CPM: variants seen among roughly 807,000 people sequenced by gnomAD.
CPM encodes the protein renal carboxypeptidase.
Under a neutral mutation model 46.4 loss-of-function variants are expected in CPM, and 35 were observed. The ratio of observed to expected loss-of-function variants is 0.75; its 90% CI spans 0.58 to 1.00. The LOEUF (loss-of-function observed/expected upper bound fraction) is 1.00, where lower values mean the gene tolerates loss of function less well. Among genes scored for constraint, CPM ranks in the 50% least tolerant of loss-of-function variants. The probability of loss-of-function intolerance (pLI) is 0.00; values close to 1 mark genes in which losing one functional copy is unlikely to be tolerated. For synonymous variants in CPM, 195 were observed against 195.3 expected, an observed-to-expected ratio of 1.00 and a Z score of 0.01; for missense variants, 422 against 530.4, an observed-to-expected ratio of 0.80 and a Z score of 2.01.
At position 68,870,956 on chromosome 12, in the gene CPM, AC is replaced by A. The variant is rs554526909; in HGVS notation, c.432-558del. ...CACATTACACAGAAGTACTTGTGAA[AC>A]GTGGAACAGCCATGTTTAAATATAT... On this transcript the variant is annotated intron_variant, in intron 4 of 8. Coordinates refer to ENST00000551568, the MANE Select transcript of CPM (RefSeq NM_198320.5). 6.5e-3 allele frequency among the ~76,000 whole-genome samples: 996 copies of A among 152,380 alleles called. 18 individuals are homozygous for A. Among genetic ancestry groups the A allele is most frequent in the African/African-American group, 0.023 (947 of 41,588 alleles).
chr12:68,890,443 T>G (rs546970144), intron 2 of CPM, among the ~76,000 whole-genome samples: 2 of 152,142 alleles, frequency 1.3e-5, no homozygotes, highest in Admixed American at 1.3e-4. Context: ...AAGCACTTTA[T>G]GTTATTTGAT....
intron 1 of CPM, among the ~76,000 whole-genome samples, chr12:68,961,351 C>G (rs1298867267): frequency 6.6e-6 from 1 of 152,094 alleles, no homozygotes; most frequent in African/African-American, 2.4e-5. Flanking sequence ...TGCCATGTTG[C>G]CCAGGCTGGT....
intron 2 of CPM, among the ~76,000 whole-genome samples, chr12:68,909,239 A>G (rs1047052951): frequency 6.6e-6 from 1 of 152,172 alleles, no homozygotes; most frequent in South Asian, 2.1e-4. Flanking sequence ...TAGAGATGGG[A>G]TCTTGCTATG....
chr12:68,959,105 T>C (rs1259812709), intron 1 of CPM, among the ~76,000 whole-genome samples: 5 of 152,216 alleles, frequency 3.3e-5, no homozygotes, highest in African/African-American at 1.2e-4. Context: ...TATTATTACA[T>C]ATTTTCTCCT....
At chr12:68,955,624 G>A (rs149615826) in intron 1 of CPM, among the ~76,000 whole-genome samples, 36 of 152,322 alleles carry the variant, frequency 2.4e-4, no homozygotes, top group African/African-American at 7.2e-4. Context: ...TGGAGGATGA[G>A]CAAGGGAGAG....
chr12:68,905,270 CT>C (rs1034445314), intron 2 of CPM, among the ~76,000 whole-genome samples: 5 of 151,278 alleles, frequency 3.3e-5, no homozygotes, highest in East Asian at 2.0e-4. Context: ...TCAGAGAAAT[CT>C]TTTTTTTTCT....
chr12:68,924,567 G>A (rs1888180040), intron 2 of CPM, among the ~76,000 whole-genome samples: 1 of 151,876 alleles, frequency 6.6e-6, no homozygotes, highest in Admixed American at 6.6e-5. Context: ...TCTCAGAAAG[G>A]TACTCTGCGT....
chr12:68,898,022 T>C (rs1389665086), intron 2 of CPM, among the ~76,000 whole-genome samples: 3 of 151,436 alleles, frequency 2.0e-5, no homozygotes, highest in Admixed American at 2.0e-4. Context: ...TTGTGTATTT[T>C]TTTTTTTTTT....
intron 2 of CPM, chr12:68,913,846 C>A: frequency 1.5e-6 from 1 of 653,040 alleles, no homozygotes. Context: ...TAACAACTCC[C>A]ATGAGGATGC....
At chr12:68,946,892 C>T (rs945417055) in intron 1 of CPM, among the ~76,000 whole-genome samples, 11 of 152,154 alleles carry the variant, frequency 7.2e-5, no homozygotes, top group Non-Finnish European at 1.3e-4. Context: ...CTGTAAATAG[C>T]TCCAAATAAA....
At chr12:68,891,756 T>A (rs1277366720) in intron 2 of CPM, among the ~76,000 whole-genome samples, 1 of 151,594 alleles carries the variant, frequency 6.6e-6, no homozygotes, top group African/African-American at 2.4e-5. Flanking sequence ...TGAGGCAGAG[T>A]CTCGCTTTGT....
Position 68,856,509 on chromosome 12 carries a change from T to C in CPM, c.1260A>G (p.Pro420=). The C allele has an allele frequency of 6.2e-7, 1 of 1,614,244 alleles. No homozygotes were observed. The highest frequency in any genetic ancestry group is 8.5e-7 in the Non-Finnish European group (1 of 1,180,034). The change falls in exon 9 of 9, where the codon CCA becomes CCG. Residue 420 remains proline (P), a synonymous_variant. Transcript: ENST00000551568. The part of the protein sequence containing the change: ...CPMIPLYRNL[P]DHSAATKPSL... ...TAGGCTTTGTTGCAGCTGAGTGGTC[T>C]GGCAAATTTCTGTATAGAGGAATCA...
chr12:68,843,388 A>G (rs1371065411), intron 5 of CPM: 1 of 231,034 alleles, frequency 4.3e-6, no homozygotes, highest in Non-Finnish European at 8.6e-6. Context: ...TGGGTGTGCT[A>G]ATTACACTGA....
upstream of CPM, among the ~76,000 whole-genome samples, chr12:68,934,439 C>G (rs1888631040): frequency 6.6e-6 from 1 of 152,142 alleles, no homozygotes; most frequent in African/African-American, 2.4e-5. Context: ...ATTGCGCACT[C>G]AGGACTCCCT....
chr12:68,859,705 A>T (rs1029879345), intron 7 of CPM, among the ~76,000 whole-genome samples: 1 of 152,232 alleles, frequency 6.6e-6, no homozygotes, highest in Non-Finnish European at 1.5e-5. Context: ...GATGAAAAAA[A>T]CTAAGGCTCT....
chr12:68,940,704 CTT>C (rs1888746999), intron 1 of CPM, among the ~76,000 whole-genome samples: 1 of 151,740 alleles, frequency 6.6e-6, no homozygotes, highest in Admixed American at 6.6e-5. Context: ...GGCACTGAGA[CTT>C]TTAGCAGTTC....
chr12:68,859,874 G>A (rs929831954), intron 7 of CPM, among the ~76,000 whole-genome samples: 16 of 152,050 alleles, frequency 1.1e-4, no homozygotes, highest in African/African-American at 3.6e-4. Flanking sequence ...TAGATCCTAC[G>A]TGTCACATCT....
chr12:68,846,919 C>T (rs1884333769), downstream of CPM: 1 of 151,778 alleles, frequency 6.6e-6, no homozygotes, highest in South Asian at 2.1e-4. Context: ...TTTGCATCCA[C>T]TCGACCATAA....
At chr12:68,864,736 T>C (rs914799169) in intron 7 of CPM, among the ~76,000 whole-genome samples, 1 of 151,952 alleles carries the variant, frequency 6.6e-6, no homozygotes, top group Admixed American at 6.6e-5. Flanking sequence ...GCAGAGCCAG[T>C]CACGGTGGCT....
Sources: gnomAD v4.1 joint callset for allele counts (sites outside exome capture counted in the v4.1 genomes callset) on GRCh38, gnomAD v4.1.1 for gene constraint, MANE v1.5 for transcripts, NCBI Gene and HGNC (gene_info 2026-07-23, HGNC 2026-07-21) for gene names.